The following NDST3 variants were observed in gnomAD, a reference collection of about 807,000 sequenced individuals.
NDST3 encodes bifunctional heparan sulfate N-deacetylase/N-sulfotransferase 3.
In NDST3, 58 loss-of-function variants were observed where a neutral mutation model predicts 96.1. That is an observed-to-expected ratio of 0.60 (90% CI 0.49 to 0.75). The LOEUF (loss-of-function observed/expected upper bound fraction) is 0.75. NDST3 is among the 30% of genes least tolerant of loss of function. NDST3 has a pLI of 0.00. For synonymous variants in NDST3, 333 were observed against 359.7 expected, an observed-to-expected ratio of 0.93 and a Z score of 0.84; for missense variants, 788 against 1,034.2, an observed-to-expected ratio of 0.76 and a Z score of 3.27.
rs1345590655 is a variant in NDST3, at chr4:118,115,406, A to T, written c.1224+446A>T. Among the ~76,000 whole-genome samples the T allele has an allele frequency of 2.0e-5, 3 of 152,252 alleles. No individual in the cohort carries two copies. In the East Asian group the frequency reaches 5.8e-4, roughly 29 times the overall value. On this transcript the variant is annotated intron_variant, in intron 4 of 13. Transcript: ENST00000296499. Reference sequence around the variant, plus strand: ...TAGCCCAAGATGGATTCTTCTGGAAATAAGATTTTAGATACGTCCTGAAAT... The same window carrying T: ...TAGCCCAAGATGGATTCTTCTGGAATTAAGATTTTAGATACGTCCTGAAAT...
chr4:118,039,790 AT>A (rs886255416), intron 1 of NDST3, among the ~76,000 whole-genome samples: 6 of 152,188 alleles, frequency 3.9e-5, no homozygotes, highest in African/African-American at 1.4e-4. Flanking sequence ...CAGAAAAGAG[AT>A]TATCTCTTTT....
At chr4:118,116,367 T>C (rs1731105603) in intron 4 of NDST3, among the ~76,000 whole-genome samples, 1 of 151,716 alleles carries the variant, frequency 6.6e-6, no homozygotes, top group South Asian at 2.1e-4. Flanking sequence ...AGGAGTGAAA[T>C]TGTTGTTGTT....
intron 5 of NDST3, among the ~76,000 whole-genome samples, 157 bp from the exon 6 acceptor site, chr4:118,143,398 AC>A (rs1209740640): frequency 6.6e-6 from 1 of 151,992 alleles, no homozygotes; most frequent in African/African-American, 2.4e-5. Context: ...TATTAACATC[AC>A]CTTCCCTTGC....
intron 1 of NDST3, among the ~76,000 whole-genome samples, chr4:118,041,600 G>A (rs1724469446): frequency 6.6e-6 from 1 of 152,152 alleles, no homozygotes; most frequent in African/African-American, 2.4e-5. Flanking sequence ...TGTCAGTTCT[G>A]TACTGCTGAT....
intron 2 of NDST3, among the ~76,000 whole-genome samples, chr4:118,090,881 G>T (rs1728809070): frequency 6.6e-6 from 1 of 151,794 alleles, no homozygotes; most frequent in Non-Finnish European, 1.5e-5. Flanking sequence ...GATTGGATGA[G>T]ATGTAAAGAG....
chr4:118,240,599 C>A lies in NDST3; in HGVS notation c.2194C>A (p.Pro732Thr), dbSNP rs1220930380. Residue 732 changes from proline to threonine, a missense_variant, in exon 11 of 14, where the codon CCC becomes ACC. Pro to Thr is a conservative substitution (Grantham distance 38, BLOSUM62 -1). Around this residue, in one of 3 missense-constraint regions of NDST3, gnomAD observed 490 missense variants for 708.8 expected, o/e 0.69. Coordinates refer to ENST00000296499, the MANE Select transcript of NDST3 (RefSeq NM_004784.3). The stretch of plus-strand genomic sequence containing the variant: ...AGTGATCTCAGCAGGGCCCCGTGCA[C>A]CCTCGGAGCTCAGAGCCTTGCAGAA... ...YEVISAGPRAPSELRALQKRC... is the reference protein window; with the variant it reads ...YEVISAGPRATSELRALQKRC... 1 of 1,613,762 alleles carries A rather than the reference C, an allele frequency of 6.2e-7. No homozygotes were observed. The highest frequency in any genetic ancestry group is 1.3e-5 in the African/African-American group (1 of 74,916).
intron 10 of NDST3, among the ~76,000 whole-genome samples, chr4:118,240,065 A>T (rs1740911709): frequency 6.6e-6 from 1 of 151,924 alleles, no homozygotes; most frequent in Non-Finnish European, 1.5e-5. Context: ...CATTTAAAAG[A>T]GCTGATAGGC....
At chr4:118,232,477 A>T (rs550304721) in intron 8 of NDST3, among the ~76,000 whole-genome samples, 94 of 152,048 alleles carry the variant, frequency 6.2e-4, no homozygotes, top group African/African-American at 8.7e-4. Context: ...TAAAAATTTA[A>T]AAAAAATTAA....
chr4:118,209,263 TC>T (rs1248735112), intron 6 of NDST3, among the ~76,000 whole-genome samples: 1 of 152,208 alleles, frequency 6.6e-6, no homozygotes, highest in Non-Finnish European at 1.5e-5. Flanking sequence ...TATTAATTAA[TC>T]ATTTTTAAAT....
chr4:118,148,857 A>C (rs1331982352), intron 6 of NDST3, among the ~76,000 whole-genome samples: 1 of 152,176 alleles, frequency 6.6e-6, no homozygotes, highest in African/African-American at 2.4e-5. Context: ...AATAAATGAT[A>C]ATAACTTTAG....
chr4:118,048,115 T>C (rs752204285), intron 1 of NDST3, among the ~76,000 whole-genome samples: 1 of 152,178 alleles, frequency 6.6e-6, no homozygotes, highest in Non-Finnish European at 1.5e-5. Flanking sequence ...AAGAACTTCA[T>C]ATGGCACCAA....
At chr4:118,189,680 C>T (rs1737177738) in intron 6 of NDST3, among the ~76,000 whole-genome samples, 1 of 152,052 alleles carries the variant, frequency 6.6e-6, no homozygotes, top group South Asian at 2.1e-4. Context: ...TCCAACCAAA[C>T]GACCTAAGAA....
At chr4:118,109,603 G>A (rs1204834667) in intron 3 of NDST3, among the ~76,000 whole-genome samples, 1 of 152,188 alleles carries the variant, frequency 6.6e-6, no homozygotes, top group Non-Finnish European at 1.5e-5. Flanking sequence ...CTTGTTAGCT[G>A]TGTATAATAT....
chr4:118,058,439 A>AAAAT (rs2110459802), intron 2 of NDST3, among the ~76,000 whole-genome samples: 2 of 151,888 alleles, frequency 1.3e-5, no homozygotes, highest in South Asian at 4.2e-4. Context: ...ACAAAAAAAA[A>AAAAT]AAAAAAACAG....
rs377430386 is a variant in NDST3 at position 118,068,679 on chromosome 4, T to C, written c.981+13788T>C. Among the ~76,000 whole-genome samples, 28 of 152,200 alleles carry C rather than the reference T, an allele frequency of 1.8e-4. No homozygotes were observed. In the Middle Eastern group the frequency reaches 0.014, roughly 74 times the overall value. ...TAATGCAGGTAGTAGAAATGCACAT[T>C]TGGGGAAACATAGGTTTAAATAGAC... On this transcript the variant is annotated intron_variant, in intron 2 of 13. Coordinates refer to ENST00000296499, the MANE Select transcript of NDST3 (RefSeq NM_004784.3).
chr4:118,241,926 T>C (rs1359060626), intron 11 of NDST3, 114 bp from the exon 12 acceptor site: 8 of 660,292 alleles, frequency 1.2e-5, no homozygotes, highest in East Asian at 7.8e-5. Flanking sequence ...CACCAATGCA[T>C]GCAATTCTGC....
chr4:118,161,254 G>A (rs1048409919), intron 6 of NDST3, among the ~76,000 whole-genome samples: 2 of 152,180 alleles, frequency 1.3e-5, no homozygotes, highest in African/African-American at 4.8e-5. Context: ...GGAGTACCCG[G>A]CCGTGTGAGG....
chr4:118,184,209 T>C (rs1205091435), intron 6 of NDST3, among the ~76,000 whole-genome samples: 1 of 152,220 alleles, frequency 6.6e-6, no homozygotes, highest in African/African-American at 2.4e-5. Flanking sequence ...ATTCATCCTC[T>C]GCCATGGTTA....
intron 6 of NDST3, among the ~76,000 whole-genome samples, chr4:118,168,169 C>T (rs1231743654): frequency 2.0e-5 from 3 of 151,740 alleles, no homozygotes; most frequent in African/African-American, 4.8e-5. Flanking sequence ...TATTGTATGT[C>T]TAATAAGGAG....
Sources: allele counts gnomAD v4.1 joint callset (sites outside exome capture counted in the v4.1 genomes callset), GRCh38; gene constraint gnomAD v4.1.1; regional missense constraint gnomAD v4.1.1; transcripts MANE v1.5; gene names NCBI Gene and HGNC (gene_info 2026-07-23, HGNC 2026-07-21).